The following TENM2 variants were observed in gnomAD, a reference collection of about 807,000 sequenced individuals.
TENM2 encodes teneurin-2.
TENM2 carries 52 observed loss-of-function variants against 245.2 expected under a neutral mutation model. The ratio of observed to expected loss-of-function variants is 0.21; its 90% CI spans 0.17 to 0.27. The LOEUF (loss-of-function observed/expected upper bound fraction) is 0.27. Ranked by LOEUF, TENM2 falls within the 10% of genes least tolerant of loss-of-function variation. TENM2 has a pLI of 1.00. For synonymous variants in TENM2, 1,363 were observed against 1,438.9 expected (o/e 0.95, Z 1.19); for missense variants, 3,046 against 3,666.8 (o/e 0.83, Z 4.37).
rs1791848843 is a variant in TENM2, at chr5:168,080,123, A to G, written c.1516-10451A>G. The stretch of plus-strand genomic sequence containing the variant: ...CAATTTCAGAGCCTGTTATTGTTCT[A>G]TTCAGGGAATCAACTTCTTCCTGGT... On this transcript the variant is annotated intron_variant, in intron 7 of 28. Transcript: ENST00000518659. 2.0e-5 allele frequency among the ~76,000 whole-genome samples: 3 copies of G among 152,282 alleles called. No homozygotes were observed. The South Asian group carries it at 6.2e-4, about 32-fold the overall frequency.
intron 2 of TENM2, among the ~76,000 whole-genome samples, chr5:167,402,987 C>T (rs1762442398): frequency 6.6e-6 from 1 of 152,006 alleles, no homozygotes; most frequent in Non-Finnish European, 1.5e-5. Context: ...CACAGGAAGG[C>T]CTGAAAGCTC....
At chr5:167,883,991 C>T (rs1445135959) in intron 3 of TENM2, among the ~76,000 whole-genome samples, 2 of 152,120 alleles carry the variant, frequency 1.3e-5, no homozygotes, top group African/African-American at 2.4e-5. Flanking sequence ...TGGACTCTGA[C>T]GTCCATACTA....
intron 2 of TENM2, among the ~76,000 whole-genome samples, chr5:167,453,166 G>C (rs566235552): frequency 6.6e-6 from 1 of 151,642 alleles, no homozygotes; most frequent in Non-Finnish European, 1.5e-5. Context: ...GCCTTTGGAA[G>C]CTTCAGTTCC....
At chr5:167,212,146 A>G in the TENM2 span, among the ~76,000 whole-genome samples, 1 of 152,270 alleles carries the variant, frequency 6.6e-6, no homozygotes, top group South Asian at 2.1e-4. Flanking sequence ...CCAGGAGACC[A>G]TATTTGAAAT....
intron 5 of TENM2, among the ~76,000 whole-genome samples, chr5:168,035,981 A>G (rs1353500879): frequency 2.6e-5 from 4 of 152,224 alleles, no homozygotes; most frequent in African/African-American, 9.6e-5. Flanking sequence ...GAGCTAAGCA[A>G]TGAAAACAAA....
intron 7 of TENM2, among the ~76,000 whole-genome samples, chr5:168,080,492 T>C (rs1562132739): frequency 3.3e-5 from 5 of 152,230 alleles, no homozygotes; most frequent in Admixed American, 2.6e-4. Flanking sequence ...GTGTTTGCTC[T>C]TGCTTCTCTA....
chr5:167,199,918 ATTAAGTTAAGGCATAAGTTTCTTTTC>A, the TENM2 span, among the ~76,000 whole-genome samples: 344 of 152,224 alleles, frequency 2.3e-3, 1 homozygote, highest in African/African-American at 7.9e-3. Flanking sequence ...CTTAATTATA[ATTAAGTTAAGGCATAAGTTTCTTTTC>A]TTTGTCCCAA....
At chr5:168,112,610 G>GGGT (rs1554199708) in intron 9 of TENM2, among the ~76,000 whole-genome samples, 1 of 130,410 alleles carries the variant, frequency 7.7e-6, no homozygotes, top group Non-Finnish European at 1.6e-5. Context: ...AGTGGGCGGG[G>GGGT]GGGGGGTCAA....
the TENM2 span, among the ~76,000 whole-genome samples, chr5:167,171,245 A>G: frequency 6.6e-6 from 1 of 152,046 alleles, no homozygotes. Context: ...TACACTTTAT[A>G]TTTACCATAA....
intron 2 of TENM2, among the ~76,000 whole-genome samples, chr5:167,586,134 TA>T (rs1303916819): frequency 6.6e-6 from 1 of 150,448 alleles, no homozygotes; most frequent in African/African-American, 2.5e-5. Flanking sequence ...AACAAAAAAA[TA>T]CAAAGTAAGA....
chr5:167,900,520 G>T (rs1271645480), intron 3 of TENM2, among the ~76,000 whole-genome samples: 2 of 152,224 alleles, frequency 1.3e-5, no homozygotes, highest in East Asian at 3.9e-4. Flanking sequence ...TGGGGGTAAT[G>T]ATTTATAAGC....
chr5:167,067,775 T>C, the TENM2 span, among the ~76,000 whole-genome samples: 1 of 152,174 alleles, frequency 6.6e-6, no homozygotes, highest in Non-Finnish European at 1.5e-5. Flanking sequence ...CCACAGTGGA[T>C]CTTCAGATCC....
chr5:168,109,359 G>A (rs575454549), intron 9 of TENM2, among the ~76,000 whole-genome samples: 2 of 152,318 alleles, frequency 1.3e-5, no homozygotes, highest in South Asian at 4.1e-4. Flanking sequence ...CTACATGCTG[G>A]GCACTGTGCA....
the TENM2 span, among the ~76,000 whole-genome samples, chr5:167,072,832 T>C: frequency 6.6e-6 from 1 of 152,226 alleles, no homozygotes; most frequent in Non-Finnish European, 1.5e-5. Context: ...CATTTTAAGA[T>C]GAAATAAATT....
chr5:167,086,587 A>AT, the TENM2 span, among the ~76,000 whole-genome samples: 1 of 151,960 alleles, frequency 6.6e-6, no homozygotes, highest in Non-Finnish European at 1.5e-5. Flanking sequence ...CTGTTTGTTT[A>AT]TTTTTTTAAA....
At chr5:167,277,046 T>C in the TENM2 span, among the ~76,000 whole-genome samples, 5 of 152,162 alleles carry the variant, frequency 3.3e-5, no homozygotes, top group Non-Finnish European at 1.5e-5. Flanking sequence ...TTCTTATTGA[T>C]CTTTTCAAGG....
At chr5:167,378,047 T>C (rs1278370562) in intron 2 of TENM2, among the ~76,000 whole-genome samples, 1 of 152,134 alleles carries the variant, frequency 6.6e-6, no homozygotes, top group Non-Finnish European at 1.5e-5. Context: ...TGGGGTTCCA[T>C]ATGTTTTAAT....
the TENM2 span, among the ~76,000 whole-genome samples, chr5:167,217,789 T>C: frequency 3.3e-5 from 5 of 149,834 alleles, no homozygotes; most frequent in African/African-American, 4.9e-5. Context: ...GAGAGGTGAG[T>C]GGAGAAGGTG....
intron 2 of TENM2, among the ~76,000 whole-genome samples, chr5:167,798,092 C>T (rs1179488028): frequency 6.6e-6 from 1 of 152,182 alleles, no homozygotes; most frequent in Non-Finnish European, 1.5e-5. Flanking sequence ...GTCCTCTTTA[C>T]CGATGAAAGA....
Sources: gnomAD v4.1 joint callset for allele counts (sites outside exome capture counted in the v4.1 genomes callset) on GRCh38, gnomAD v4.1.1 for gene constraint, MANE v1.5 for transcripts, NCBI Gene and HGNC (gene_info 2026-07-23, HGNC 2026-07-21) for gene names.